Variants in STPG2 observed in about 807,000 individuals in gnomAD.
STPG2 encodes sperm tail PG-rich repeat containing 2.
A neutral mutation model predicts 54.2 loss-of-function variants in STPG2; 56 were observed. The ratio of observed to expected loss-of-function variants is 1.03; its 90% CI spans 0.83 to 1.29. The LOEUF is 1.29. Among genes scored for constraint, STPG2 ranks in the 50% most tolerant of loss-of-function variants. The probability of loss-of-function intolerance (pLI) is 0.00; values close to 1 mark genes in which losing one functional copy is unlikely to be tolerated. For synonymous variants in STPG2, 200 were observed against 181.8 expected (o/e 1.10, Z -0.81); for missense variants, 596 against 544.9 (o/e 1.09, Z -0.93).
intron 4 of STPG2, among the ~76,000 whole-genome samples, chr4:97,464,998 G>T (rs1202188795): frequency 6.6e-6 from 1 of 151,998 alleles, no homozygotes; most frequent in Non-Finnish European, 1.5e-5. Flanking sequence ...TTTTGGAAAA[G>T]GTTACAGTCT....
intron 9 of STPG2, among the ~76,000 whole-genome samples, chr4:97,734,761 G>C (rs545603038): frequency 3.9e-5 from 6 of 152,044 alleles, no homozygotes; most frequent in Non-Finnish European, 7.4e-5. Flanking sequence ...TAAACAAGTA[G>C]GACAACATCA....
At chr4:97,455,362 T>A (rs192639147) in intron 4 of STPG2, among the ~76,000 whole-genome samples, 1 of 151,968 alleles carries the variant, frequency 6.6e-6, no homozygotes, top group Non-Finnish European at 1.5e-5. Context: ...CCACCATGCC[T>A]CCAACCTGTG....
chr4:97,742,553 G>GTATA (rs1299622765), intron 9 of STPG2, among the ~76,000 whole-genome samples: 2 of 134,938 alleles, frequency 1.5e-5, no homozygotes, highest in South Asian at 2.3e-4. Context: ...GTGTGTGTGT[G>GTATA]TGTGTGTGTG....
chr4:98,020,500 C>T (rs1283925001), intron 5 of STPG2, among the ~76,000 whole-genome samples: 1 of 151,748 alleles, frequency 6.6e-6, no homozygotes, highest in Admixed American at 6.6e-5. Context: ...GTATCTCTGC[C>T]CGGCTTTGGT....
chr4:97,531,657 T>G (rs1020927464), intron 4 of STPG2, among the ~76,000 whole-genome samples: 2 of 152,090 alleles, frequency 1.3e-5, no homozygotes, highest in Non-Finnish European at 2.9e-5. Flanking sequence ...AGCTAAAAAT[T>G]AAATCAATTG....
intron 7 of STPG2, among the ~76,000 whole-genome samples, chr4:97,966,525 A>G (rs1734105183): frequency 6.6e-6 from 1 of 152,188 alleles, no homozygotes; most frequent in African/African-American, 2.4e-5. Flanking sequence ...TACAGAGAAC[A>G]CAACAAATAT....
chr4:97,901,008 C>CA (rs1381084166), intron 8 of STPG2, among the ~76,000 whole-genome samples: 31 of 151,710 alleles, frequency 2.0e-4, no homozygotes, highest in Non-Finnish European at 4.1e-4. Context: ...AGGCAACACT[C>CA]AAAGAAAAAA....
At position 97,795,903 on chromosome 4, in the gene STPG2, G is replaced by A. The variant is rs577855087; in HGVS notation, c.1204+44870C>T. Among the ~76,000 whole-genome samples, 248 of 152,268 alleles carry A rather than the reference G, an allele frequency of 1.6e-3. 2 individuals carry two copies. Among genetic ancestry groups the A allele is most frequent in the Non-Finnish European group, 2.3e-3 (157 of 68,014 alleles). On this transcript the variant is annotated intron_variant, in intron 9 of 10. Coordinates refer to ENST00000295268, the MANE Select transcript of STPG2 (RefSeq NM_174952.3). ...TAATGACCACCATTCTAACTGGTGT[G>A]AGATGATATCTCATTGTGGTTTTGA...
intron 9 of STPG2, among the ~76,000 whole-genome samples, chr4:97,820,439 G>A (rs1728049305): frequency 6.7e-6 from 1 of 149,470 alleles, no homozygotes; most frequent in African/African-American, 2.5e-5. Context: ...GTTCAGTGAG[G>A]AAAGCATGTT....
chr4:98,018,594 C>A (rs1411840538), intron 5 of STPG2, among the ~76,000 whole-genome samples: 3 of 152,190 alleles, frequency 2.0e-5, no homozygotes, highest in Non-Finnish European at 4.4e-5. Context: ...AATCACCACA[C>A]TGACTTCCAC....
intron 9 of STPG2, among the ~76,000 whole-genome samples, chr4:97,807,734 T>A (rs1727615241): frequency 6.6e-6 from 1 of 151,840 alleles, no homozygotes; most frequent in South Asian, 2.1e-4. Context: ...ATATACTGAC[T>A]AAGAACTTTC....
intron 9 of STPG2, among the ~76,000 whole-genome samples, chr4:97,727,721 C>A (rs1002107074): frequency 3.2e-5 from 3 of 93,200 alleles, no homozygotes; most frequent in African/African-American, 7.8e-5. Context: ...ATCATGGATT[C>A]CTTTTTTTTT....
Position 97,742,328 on chromosome 4 carries a change from A to T in STPG2, c.1205-29514T>A, listed in dbSNP as rs190662754. Among the ~76,000 whole-genome samples the T allele has an allele frequency of 2.0e-4, 30 of 151,964 alleles. 1 individual carries two copies. The highest frequency in any genetic ancestry group is 1.8e-3 in the Admixed American group (27 of 15,226). On this transcript the variant is annotated intron_variant, in intron 9 of 10. Transcript: ENST00000295268. ...ATGTATACATATGTAAGTAACCTGC[A>T]TATTGTGCACATGTACCCTAAAACT...
chr4:97,774,940 C>T (rs1407487822), intron 9 of STPG2, among the ~76,000 whole-genome samples: 1 of 152,170 alleles, frequency 6.6e-6, no homozygotes, highest in Admixed American at 6.5e-5. Context: ...AGGAGTCTTC[C>T]CATATGACCG....
chr4:97,492,866 A>C (rs1295659030), intron 4 of STPG2, among the ~76,000 whole-genome samples: 4 of 150,328 alleles, frequency 2.7e-5, no homozygotes, highest in African/African-American at 9.8e-5. Flanking sequence ...TAAGATGGCC[A>C]CACCAAAATC....
intron 4 of STPG2, among the ~76,000 whole-genome samples, chr4:97,473,303 T>A (rs894911564): frequency 7.9e-5 from 12 of 152,292 alleles, no homozygotes; most frequent in Non-Finnish European, 1.5e-4. Flanking sequence ...GGGAGAAATA[T>A]CGCTGAATTC....
chr4:97,863,052 G>T (rs112426501), intron 8 of STPG2, among the ~76,000 whole-genome samples: 1 of 151,648 alleles, frequency 6.6e-6, no homozygotes, highest in Non-Finnish European at 1.5e-5. Context: ...GAAGCAAGAG[G>T]AAACACATTC....
rs1382671714 is a variant in STPG2, at chr4:97,893,021, A to G, written c.1044+50876T>C. ...AAAAGATAACTGGTGGAAAGATCAAATTATTCATGTCTGAAAGTCCACAAC... is the reference window on the plus strand; with the variant it reads ...AAAAGATAACTGGTGGAAAGATCAAGTTATTCATGTCTGAAAGTCCACAAC... On this transcript the variant is annotated intron_variant, in intron 8 of 10. Coordinates refer to ENST00000295268, the MANE Select transcript of STPG2 (RefSeq NM_174952.3). 4.6e-5 allele frequency: 7 copies of G among 152,160 alleles called. No homozygotes were observed. The East Asian group carries it at 1.2e-3, about 25-fold the overall frequency. 9.4% of individuals were successfully genotyped at this position (152,160 alleles called of 1,614,324 possible). A position where few individuals can be genotyped will look rare whatever the true frequency, so the allele number is the denominator to read the frequency against.
chr4:97,532,827 A>T (rs1487683050), intron 4 of STPG2, among the ~76,000 whole-genome samples: 1 of 152,210 alleles, frequency 6.6e-6, no homozygotes, highest in Admixed American at 6.5e-5. Flanking sequence ...GTTAAAAATG[A>T]ATGCTTGACA....
Sources: allele counts gnomAD v4.1 joint callset (sites outside exome capture counted in the v4.1 genomes callset), GRCh38; gene constraint gnomAD v4.1.1; transcripts MANE v1.5; gene names NCBI Gene and HGNC (gene_info 2026-07-23, HGNC 2026-07-21).